The following FANCI variants were observed in gnomAD, a reference collection of about 807,000 sequenced individuals.
FANCI encodes FA complementation group I.
In FANCI, 156 loss-of-function variants were observed where a neutral mutation model predicts 176.1. The ratio of observed to expected loss-of-function variants is 0.89; its 90% CI spans 0.78 to 1.01. The LOEUF is 1.01. FANCI is among the 50% of genes least tolerant of loss of function. FANCI has a pLI of 0.00. For missense variants in FANCI, 1,678 were observed against 1,534.1 expected, an observed-to-expected ratio of 1.09 and a Z score of -1.57; for synonymous variants, 613 against 541.7, an observed-to-expected ratio of 1.13 and a Z score of -1.83.
chr15:89,252,768 A>G (rs1369710221), intron 2 of FANCI, among the ~76,000 whole-genome samples: 3 of 152,214 alleles, frequency 2.0e-5, no homozygotes, highest in African/African-American at 7.2e-5. Context: ...AACCTGAGAA[A>G]TGTCCAAAAC....
At position 89,292,578 on chromosome 15, in the gene FANCI, G is replaced by T. The variant is rs74031432; in HGVS notation, c.1993-110G>T. 1,084 of 1,095,018 alleles carry T rather than the reference G, an allele frequency of 9.9e-4. 10 individuals carry two copies. The African/African-American group carries it at 0.014, about 15-fold the overall frequency. The allele number at this position is 1,095,018 out of a possible 1,614,324, so 67.8% of individuals were successfully genotyped here. ...GATGGACTTAATTTGTAACGCCAAT[G>T]AATCATTTTCTTTAGCCTTATAGAT... is the stretch of plus-strand genomic sequence containing the variant. On this transcript the variant is annotated intron_variant, in intron 20 of 37. Transcript: ENST00000310775.
chr15:89,309,516 G>A (rs1470055087), intron 34 of FANCI, among the ~76,000 whole-genome samples: 1 of 152,168 alleles, frequency 6.6e-6, no homozygotes, highest in African/African-American at 2.4e-5. Flanking sequence ...GATCACTTGA[G>A]GCCAGGAGTT....
In FANCI at chr15:89,258,490, A is replaced by G. The variant is rs61024154; in HGVS notation, c.85-214A>G. On this transcript the variant is annotated intron_variant, in intron 2 of 37. Coordinates refer to ENST00000310775, the MANE Select transcript of FANCI (RefSeq NM_001113378.2). ...ACTTAGTGCTAAGTTATAAACATAA[A>G]TGTTTATAGAATGAGTAAGAATAGA... is the stretch of plus-strand genomic sequence containing the variant. Among the ~76,000 whole-genome samples the G allele has an allele frequency of 0.05, 7,661 of 152,274 alleles. 617 individuals are homozygous for G. The highest frequency in any genetic ancestry group is 0.17 in the African/African-American group (7,165 of 41,506).
chr15:89,268,698 A>G (rs1169277215), intron 10 of FANCI, 173 bp downstream of exon 10: 2 of 711,870 alleles, frequency 2.8e-6, no homozygotes, highest in East Asian at 2.9e-5. Flanking sequence ...ATGTTACCAC[A>G]CTCCCTTTTT....
chr15:89,316,708 C>T lies in FANCI; in HGVS notation c.*249C>T, dbSNP rs200390876. The T allele has an allele frequency of 6.4e-5, 97 of 1,516,894 alleles. No homozygotes were observed. The Middle Eastern group carries it at 7.1e-4, about 11-fold the overall frequency. 94.0% of individuals were successfully genotyped at this position (1,516,894 alleles called of 1,614,324 possible). ...CTGAGTTTGGGAGCCTGCACCACCCCGATGAAGCTCCACGGGAGCAAATAC... is the reference window on the plus strand; with the variant it reads ...CTGAGTTTGGGAGCCTGCACCACCCTGATGAAGCTCCACGGGAGCAAATAC... On this transcript the variant is annotated 3_prime_UTR_variant, in exon 38 of 38. Coordinates refer to ENST00000310775, the MANE Select transcript of FANCI (RefSeq NM_001113378.2).
At chr15:89,251,370 G>C (rs1437730027) in intron 2 of FANCI, among the ~76,000 whole-genome samples, 2 of 152,190 alleles carry the variant, frequency 1.3e-5, no homozygotes, top group African/African-American at 2.4e-5. Context: ...GGAAACTTCT[G>C]TCAAACCTTT....
At chr15:89,269,644 A>C (rs2053122442) in intron 10 of FANCI, among the ~76,000 whole-genome samples, 1 of 152,134 alleles carries the variant, frequency 6.6e-6, no homozygotes. Flanking sequence ...CTAATATTTT[A>C]CACTTTGCAG....
intron 27 of FANCI, among the ~76,000 whole-genome samples, chr15:89,301,883 C>A (rs144534529): frequency 6.6e-6 from 1 of 152,312 alleles, no homozygotes; most frequent in Non-Finnish European, 1.5e-5. Flanking sequence ...GGAGGAAATT[C>A]AACCAAAGAT....
chr15:89,274,414 G>A, intron 12 of FANCI, 110 bp downstream of exon 12: 1 of 1,214,372 alleles, frequency 8.2e-7, no homozygotes, highest in Non-Finnish European at 1.2e-6. Context: ...CTTAACAGCT[G>A]TTGACGTCAC....
At position 89,276,898 on chromosome 15, in the gene FANCI, C is replaced by T. The variant is rs1225313961; in HGVS notation, c.1293+7C>T. 5 of 1,613,996 alleles carry T rather than the reference C, an allele frequency of 3.1e-6. No homozygotes were observed. The African/African-American group carries it at 6.7e-5, about 22-fold the overall frequency. ...CCTGTTGGAAACTTTTAAGGTGAGA[C>T]ACTATTTTGGCAACCACTCCCTAAT... is the stretch of plus-strand genomic sequence containing the variant. On this transcript the variant is annotated splice_region_variant and intron_variant, in intron 13 of 37. Coordinates refer to ENST00000310775, the MANE Select transcript of FANCI (RefSeq NM_001113378.2).
Position 89,303,830 on chromosome 15 carries a change from T to G in FANCI, c.3007-34T>G, listed in dbSNP as rs750751011. 2.3e-5 allele frequency: 37 copies of G among 1,593,878 alleles called. No homozygotes were observed. The South Asian group carries it at 3.2e-4, about 14-fold the overall frequency. On this transcript the variant is annotated intron_variant, in intron 27 of 37. Transcript: ENST00000310775. ...ACAACACCTAGGTCTATCTCTGGCA[T>G]GTTTCTTTAATATCTGAATGATCTC...
rs1481179865 is a variant in FANCI, at chr15:89,316,728, A to C, written c.*269A>C. The C allele has an allele frequency of 6.3e-7, 1 of 1,595,468 alleles. No homozygotes were observed. Among genetic ancestry groups the C allele is most frequent in the African/African-American group, 1.3e-5 (1 of 74,586 alleles). ...CACCCCGATGAAGCTCCACGGGAGC[A>C]AATACAGAGCCTCCAGGCAGTGCTA... On this transcript the variant is annotated 3_prime_UTR_variant, in exon 38 of 38. Transcript: ENST00000310775.
intron 19 of FANCI, among the ~76,000 whole-genome samples, chr15:89,291,135 T>A (rs1204676108): frequency 2.0e-5 from 3 of 152,236 alleles, no homozygotes; most frequent in Non-Finnish European, 4.4e-5. Flanking sequence ...AACTCATATT[T>A]TTTTTGGCTG....
chr15:89,270,202 T>C (rs1237846086), intron 10 of FANCI, among the ~76,000 whole-genome samples: 1 of 152,202 alleles, frequency 6.6e-6, no homozygotes, highest in East Asian at 1.9e-4. Context: ...GGGTTGGATT[T>C]GGCCAACAGG....
chr15:89,265,951 T>C (rs1007147843), intron 9 of FANCI, among the ~76,000 whole-genome samples: 1 of 152,082 alleles, frequency 6.6e-6, no homozygotes, highest in African/African-American at 2.4e-5. Flanking sequence ...AGACAAAGAA[T>C]TTAGTTAGTT....
chr15:89,254,679 C>G (rs2052417405), intron 2 of FANCI, among the ~76,000 whole-genome samples: 1 of 152,180 alleles, frequency 6.6e-6, no homozygotes, highest in Non-Finnish European at 1.5e-5. Context: ...CATATCAGCA[C>G]ACGCTTGTAT....
At chr15:89,311,582 C>T (rs73472636) in intron 34 of FANCI, among the ~76,000 whole-genome samples, 2,793 of 152,256 alleles carry the variant, frequency 0.018, 91 homozygotes, top group African/African-American at 0.062. Context: ...GAGGTCGATC[C>T]GTGACTGCTT....
intron 36 of FANCI, among the ~76,000 whole-genome samples, chr15:89,315,011 G>A (rs2055164515): frequency 1.3e-5 from 2 of 151,970 alleles, no homozygotes; most frequent in East Asian, 3.9e-4. Context: ...GTCTCACTAT[G>A]CTGCCCAGGC....
At chr15:89,278,384 T>C (rs975957930) in intron 13 of FANCI, among the ~76,000 whole-genome samples, 7 of 152,222 alleles carry the variant, frequency 4.6e-5, no homozygotes, top group Non-Finnish European at 7.3e-5. Flanking sequence ...ATGGATATTG[T>C]CAGGTAATGG....
Sources: allele counts gnomAD v4.1 joint callset (sites outside exome capture counted in the v4.1 genomes callset), GRCh38; gene constraint gnomAD v4.1.1; transcripts MANE v1.5; gene names NCBI Gene and HGNC (gene_info 2026-07-23, HGNC 2026-07-21).